The following MROH1 variants were observed in gnomAD, a reference collection of about 807,000 sequenced individuals.
MROH1 encodes maestro heat like repeat family member 1.
In MROH1, 117 loss-of-function variants were observed where a neutral mutation model predicts 116.5. The ratio of observed to expected loss-of-function variants is 1.00; its 90% CI spans 0.86 to 1.17. MROH1 has a LOEUF of 1.17. Among genes scored for constraint, MROH1 ranks in the 50% most tolerant of loss-of-function variants. The pLI is 0.00. For synonymous variants in MROH1, 921 were observed against 583.9 expected (o/e 1.58, Z -8.32); for missense variants, 1,873 against 1,338.5 (o/e 1.40, Z -6.23).
chr8:144,223,192 T>G lies in MROH1; in HGVS notation c.1300T>G (p.Tyr434Asp). The change falls in exon 14 of 44, where the codon TAC becomes GAC. Residue 434 changes from tyrosine to aspartate, a missense_variant. Transcript: ENST00000326134. ...EQPGGEAMIE[Y>D]IVQQCALPPE... Reference sequence around the variant, plus strand: ...GCCTGGAGGTGAGGCGATGATCGAGTACATCGTGCAGCAGTGCGCGCTGCC... The same window carrying G: ...GCCTGGAGGTGAGGCGATGATCGAGGACATCGTGCAGCAGTGCGCGCTGCC... 1 of 1,611,360 alleles carries G rather than the reference T, an allele frequency of 6.2e-7. No individual in the cohort carries two copies. The highest frequency in any genetic ancestry group is 8.5e-7 in the Non-Finnish European group (1 of 1,179,042).
intron 35 of MROH1, among the ~76,000 whole-genome samples, chr8:144,258,363 C>A (rs1844315284): frequency 6.6e-6 from 1 of 152,244 alleles, no homozygotes; most frequent in African/African-American, 2.4e-5. Flanking sequence ...TCCCAGAGGG[C>A]TGTGGAGTCT....
chr8:144,257,424 TGCC>T (rs1844094605), intron 35 of MROH1, among the ~76,000 whole-genome samples: 1 of 152,066 alleles, frequency 6.6e-6, no homozygotes, highest in East Asian at 1.9e-4. Flanking sequence ...CTTCCTGGGC[TGCC>T]GAGACCCCCG....
rs114028965 is a variant in MROH1 at position 144,221,732 on chromosome 8, G to A, written c.1215+1059G>A. 4.0e-3 allele frequency among the ~76,000 whole-genome samples: 615 copies of A among 152,256 alleles called. 2 individuals are homozygous for A. The highest frequency in any genetic ancestry group is 0.014 in the African/African-American group (589 of 41,538). On this transcript the variant is annotated intron_variant, in intron 13 of 43. Transcript: ENST00000326134. ...TTGGACACCACCTGCAATGCCAGGT[G>A]GCTAAACGCACACAGTCTGGGCAGT...
At chr8:144,259,027 C>T in intron 36 of MROH1, 113 bp downstream of exon 36, 1 of 642,168 alleles carries the variant, frequency 1.6e-6, no homozygotes, top group Non-Finnish European at 2.8e-6. Flanking sequence ...CAATGGTGCC[C>T]TGGGCTCCTG....
Position 144,190,825 on chromosome 8 carries a change from A to G in MROH1, c.604A>G (p.Asn202Asp), listed in dbSNP as rs1025967781. The change falls in exon 8 of 44, where the codon AAC (asparagine) becomes GAC (aspartate). Residue 202 changes from asparagine (N) to aspartate (D), a missense_variant. Asn to Asp is a conservative substitution (Grantham distance 23). Coordinates refer to ENST00000326134, the MANE Select transcript of MROH1 (RefSeq NM_032450.3). Reference sequence around the variant, plus strand: ...CGAGGGTGCCCTGGAGTACCTAGCCAACCTGGACCGAGCCCCAGACCCCAC... The same window carrying G: ...CGAGGGTGCCCTGGAGTACCTAGCCGACCTGGACCGAGCCCCAGACCCCAC... Reference protein sequence around the residue: ...FSEGALEYLANLDRAPDPTVR... With the variant: ...FSEGALEYLADLDRAPDPTVR... 11 of 1,613,736 alleles carry G rather than the reference A, an allele frequency of 6.8e-6. No individual in the cohort carries two copies. Among genetic ancestry groups the G allele is most frequent in the Non-Finnish European group, 8.5e-6 (10 of 1,179,868 alleles).
chr8:144,165,748 T>A (rs1820665551), intron 3 of MROH1, among the ~76,000 whole-genome samples: 1 of 144,210 alleles, frequency 6.9e-6, no homozygotes, highest in Non-Finnish European at 1.5e-5. Context: ...ATTTTTGTAT[T>A]TTTTTTTTTT....
At chr8:144,246,194 C>T (rs1841900805) in intron 29 of MROH1, among the ~76,000 whole-genome samples, 3 of 151,346 alleles carry the variant, frequency 2.0e-5, no homozygotes, top group Admixed American at 6.6e-5. Flanking sequence ...CAGCAACCTC[C>T]GCCTCCTGGG....
chr8:144,207,011 C>T (rs895288577), intron 12 of MROH1, among the ~76,000 whole-genome samples: 3 of 149,802 alleles, frequency 2.0e-5, no homozygotes, highest in Admixed American at 6.7e-5. Flanking sequence ...CCAGCCTGGG[C>T]GACAGAGCGA....
chr8:144,192,025 C>G (rs565414752), intron 9 of MROH1, among the ~76,000 whole-genome samples, 170 bp downstream of exon 9: 1 of 152,262 alleles, frequency 6.6e-6, no homozygotes, highest in East Asian at 1.9e-4. Flanking sequence ...TGGGGACCAG[C>G]TTAGTTTTCC....
At chr8:144,216,111 G>A (rs1302494355) in intron 12 of MROH1, among the ~76,000 whole-genome samples, 2 of 150,680 alleles carry the variant, frequency 1.3e-5, no homozygotes, top group African/African-American at 2.4e-5. Context: ...CCTGGGAGGC[G>A]GAGGTTGCAG....
intron 5 of MROH1, 67 bp downstream of exon 5, chr8:144,179,653 C>T (rs1825036599): frequency 6.5e-7 from 1 of 1,544,732 alleles, no homozygotes; most frequent in South Asian, 1.2e-5. Context: ...GCTTCTTGGC[C>T]TTTCTACCCA....
intron 1 of MROH1, among the ~76,000 whole-genome samples, chr8:144,159,134 G>C (rs1163349648): frequency 6.6e-6 from 1 of 152,168 alleles, no homozygotes; most frequent in Non-Finnish European, 1.5e-5. Context: ...GAGGTGGGTG[G>C]ATCACCTGAG....
chr8:144,241,675 G>C (rs1016049858), intron 22 of MROH1, among the ~76,000 whole-genome samples, 158 bp downstream of exon 22: 1 of 152,232 alleles, frequency 6.6e-6, no homozygotes, highest in Non-Finnish European at 1.5e-5. Flanking sequence ...CTGTGCGTGG[G>C]TGCTCCCAGT....
rs1830849397 is a variant in MROH1, at chr8:144,200,413, C to T, written c.1028-15C>T. 2 of 1,538,690 alleles carry T rather than the reference C, an allele frequency of 1.3e-6. No homozygotes were observed. Among genetic ancestry groups the T allele is most frequent in the Admixed American group, 2.0e-5 (1 of 50,574 alleles). On this transcript the variant is annotated splice_polypyrimidine_tract_variant and intron_variant, in intron 11 of 43. Transcript: ENST00000326134. ...AAGATGACATGGAGCCTAATCTGTACCCGTTGCCCTGTAGCCTGCAGCTCG... is the reference window on the plus strand; with the variant it reads ...AAGATGACATGGAGCCTAATCTGTATCCGTTGCCCTGTAGCCTGCAGCTCG...
At chr8:144,221,617 C>A (rs546894772) in intron 13 of MROH1, among the ~76,000 whole-genome samples, 53 of 152,242 alleles carry the variant, frequency 3.5e-4, no homozygotes, top group African/African-American at 1.2e-3. Flanking sequence ...CATGCCACAT[C>A]TGTTGCGGTG....
intron 4 of MROH1, chr8:144,174,972 G>A: frequency 1.0e-6 from 1 of 985,412 alleles, no homozygotes; most frequent in Non-Finnish European, 1.2e-6. Context: ...TCAGTCCCAG[G>A]ACTCACTTCT....
chr8:144,213,072 C>T (rs1415256598), intron 12 of MROH1: 8 of 779,088 alleles, frequency 1.0e-5, no homozygotes, highest in Admixed American at 1.0e-4. Flanking sequence ...CCTGCACGTG[C>T]TGCTCCGCAG....
rs10087067 is a variant in MROH1, at chr8:144,176,623, C to T, written c.169-2832C>T. Among the ~76,000 whole-genome samples, 497 of 150,706 alleles carry T rather than the reference C, an allele frequency of 3.3e-3. 3 individuals are homozygous for T. Among genetic ancestry groups the T allele is most frequent in the African/African-American group, 0.012 (481 of 41,070 alleles). On this transcript the variant is annotated intron_variant, in intron 4 of 43. Coordinates refer to ENST00000326134, the MANE Select transcript of MROH1 (RefSeq NM_032450.3). ...TTGGGAGGCTGAGGCAAGCGGATCA[C>T]AAGGTCAGGAGCCTGGCCAACACAG...
intron 12 of MROH1, among the ~76,000 whole-genome samples, chr8:144,216,115 G>A (rs533998837): frequency 3.5e-4 from 53 of 149,480 alleles, no homozygotes; most frequent in African/African-American, 1.2e-3. Context: ...GGAGGCGGAG[G>A]TTGCAGTGAG....
Sources: allele counts gnomAD v4.1 joint callset (sites outside exome capture counted in the v4.1 genomes callset), GRCh38; gene constraint gnomAD v4.1.1; transcripts MANE v1.5; gene names NCBI Gene and HGNC (gene_info 2026-07-23, HGNC 2026-07-21).